PRKACA: variants seen among roughly 807,000 people sequenced by gnomAD.
The protein encoded by PRKACA is cAMP-dependent protein kinase catalytic subunit alpha.
PRKACA carries 9 observed loss-of-function variants against 45.8 expected under a neutral mutation model. That is an observed-to-expected ratio of 0.20 (90% CI 0.12 to 0.34). The LOEUF is 0.34. Among genes scored for constraint, PRKACA ranks in the 10% least tolerant of loss-of-function variants. The probability of loss-of-function intolerance (pLI) is 1.00; values close to 1 mark genes in which losing one functional copy is unlikely to be tolerated. For missense variants in PRKACA, 238 were observed against 458.6 expected, an observed-to-expected ratio of 0.52 and a Z score of 4.39; for synonymous variants, 160 against 178.6, an observed-to-expected ratio of 0.90 and a Z score of 0.83.
In PRKACA at chr19:14,092,291, C is replaced by T; in HGVS notation, c.*821G>A. 4.4e-6 allele frequency: 1 copy of T among 224,926 alleles called. No individual in the cohort carries two copies. The highest frequency in any genetic ancestry group is 8.7e-6 in the Non-Finnish European group (1 of 115,526). The allele number at this position is 224,926 out of a possible 1,614,324, so 13.9% of individuals were successfully genotyped here. ...GGAGAGGGGCAGCTGCTTTGTCTGGCTTTCAAAGCCCAAGGGTGAAGACAG... is the reference window on the plus strand; with the variant it reads ...GGAGAGGGGCAGCTGCTTTGTCTGGTTTTCAAAGCCCAAGGGTGAAGACAG... On this transcript the variant is annotated 3_prime_UTR_variant, in exon 10 of 10. Transcript: ENST00000308677.
intron 1 of PRKACA, chr19:14,114,313 A>T: frequency 1.1e-5 from 10 of 927,098 alleles, no homozygotes; most frequent in Non-Finnish European, 1.5e-5. Flanking sequence ...CCCAGAGGCC[A>T]CTGGGTGTGG....
At chr19:14,114,228 G>T (rs1195465296) in intron 1 of PRKACA, 39 of 1,574,486 alleles carry the variant, frequency 2.5e-5, no homozygotes, top group Non-Finnish European at 3.4e-5. Context: ...GTGTCTGTTC[G>T]GCTGTCTGTC....
rs1410928145 is a variant in PRKACA at position 14,109,973 on chromosome 19, T to A, written c.47-2564A>T. Among the ~76,000 whole-genome samples, 99 of 64,982 alleles carry A rather than the reference T, an allele frequency of 1.5e-3. 1 individual carries two copies. Among genetic ancestry groups the A allele is most frequent in the African/African-American group, 5.8e-3 (80 of 13,700 alleles). The allele number at this position is 64,982 out of a possible 152,430, so 42.6% of individuals were successfully genotyped here. ...AAAAAAAAAAAAAAAAAAATATATA[T>A]ATATATATATATATATATATATATA... On this transcript the variant is annotated intron_variant, in intron 1 of 9. Coordinates refer to ENST00000308677, the MANE Select transcript of PRKACA (RefSeq NM_002730.4).
intron 1 of PRKACA, 72 bp downstream of exon 1, chr19:14,117,430 G>A: frequency 1.6e-6 from 2 of 1,237,010 alleles, no homozygotes; most frequent in Non-Finnish European, 2.0e-6. Flanking sequence ...AGGGGGAGGG[G>A]CCAGGCGATG....
At position 14,109,965 on chromosome 19, in the gene PRKACA, AATATATAT is replaced by A. The variant is rs1188333013; in HGVS notation, c.47-2564_47-2557del. 3.0e-3 allele frequency among the ~76,000 whole-genome samples: 71 copies of A among 23,750 alleles called. 2 individuals are homozygous for A. Among genetic ancestry groups the A allele is most frequent in the African/African-American group, 6.2e-3 (55 of 8,904 alleles). 15.6% of individuals were successfully genotyped at this position (23,750 alleles called of 152,430 possible). On this transcript the variant is annotated intron_variant, in intron 1 of 9. Coordinates refer to ENST00000308677, the MANE Select transcript of PRKACA (RefSeq NM_002730.4). ...AAAAAAAAAAAAAAAAAAAAAAAAA[AATATATAT>A]ATATATATATATATATATATATATA...
chr19:14,098,789 C>T (rs1977346644), intron 5 of PRKACA, among the ~76,000 whole-genome samples: 3 of 146,350 alleles, frequency 2.0e-5, no homozygotes, highest in African/African-American at 5.1e-5. Context: ...CCATGGCACC[C>T]GGCCTCCACC....
At chr19:14,096,405 C>G (rs1977261115) in intron 8 of PRKACA, 1 of 143,454 alleles carries the variant, frequency 7.0e-6, no homozygotes, top group Non-Finnish European at 1.5e-5. Context: ...CCAGGCTGGT[C>G]TGGAACTCCT....
chr19:14,113,380 C>A (rs1264460556), intron 1 of PRKACA, among the ~76,000 whole-genome samples: 1 of 152,182 alleles, frequency 6.6e-6, no homozygotes, highest in Non-Finnish European at 1.5e-5. Flanking sequence ...GTACAGCCTG[C>A]CGCCCTGCCC....
chr19:14,102,896 T>C lies in PRKACA; in HGVS notation c.256A>G (p.Ile86Val). The change falls in exon 4 of 10, where the codon ATC becomes GTC. Residue 86 changes from isoleucine to valine, a missense_variant. By Grantham distance (29) the Ile-to-Val change is conservative (BLOSUM62 3). Around this residue, in one of 3 missense-constraint regions of PRKACA, gnomAD observed 93 missense variants for 149.1 expected, o/e 0.62. Transcript: ENST00000308677. ...DKQKVVKLKQ[I>V]EHTLNEKRIL... ...CGCTTTTCATTCAGGGTGTGTTCGA[T>C]CTGTTTCAGTTTCACCACCTGGGAA... 1 of 1,614,084 alleles carries C rather than the reference T, an allele frequency of 6.2e-7. No individual in the cohort carries two copies. The highest frequency in any genetic ancestry group is 8.5e-7 in the Non-Finnish European group (1 of 1,179,972).
intron 1 of PRKACA, chr19:14,113,993 A>C: frequency 1.1e-6 from 1 of 922,424 alleles, no homozygotes; most frequent in Non-Finnish European, 1.7e-6. Flanking sequence ...CCGGGGCTGT[A>C]CAGGAGGCGT....
At chr19:14,116,140 GCCTT>G (rs1967102067) in intron 1 of PRKACA, among the ~76,000 whole-genome samples, 1 of 152,194 alleles carries the variant, frequency 6.6e-6, no homozygotes, top group South Asian at 2.1e-4. Flanking sequence ...CCAAAAACTG[GCCTT>G]CCTTTTCGAC....
intron 1 of PRKACA, chr19:14,112,212 A>G (rs1274599140): frequency 6.8e-6 from 1 of 147,630 alleles, no homozygotes; most frequent in East Asian, 2.1e-4. Context: ...GGTAACCTCA[A>G]TCAAGAGGCC....
intron 9 of PRKACA, 21 bp from the exon 10 acceptor site, chr19:14,093,258 AC>A (rs1977144859): frequency 6.2e-7 from 1 of 1,604,770 alleles, no homozygotes; most frequent in South Asian, 1.1e-5. Flanking sequence ...ATCAAGAATC[AC>A]CCAGACCTCA....
Position 14,097,894 on chromosome 19 carries a change from AT to A in PRKACA, c.420-5del. ...GTAGAAACGGGCATGGGGCTCACTG[AT>A]GGGGACAAATGGGGAGGTGAACGTC... On this transcript the variant is annotated splice_region_variant and splice_polypyrimidine_tract_variant and intron_variant, in intron 5 of 9. Transcript: ENST00000308677. The surrounding 1 kb of genome is among the most constrained non-coding windows in gnomAD (Gnocchi z 5.4). The A allele has an allele frequency of 6.2e-7, 1 of 1,614,072 alleles. No homozygotes were observed. Among genetic ancestry groups the A allele is most frequent in the Non-Finnish European group, 8.5e-7 (1 of 1,179,996 alleles).
chr19:14,097,504 A>G lies in PRKACA; in HGVS notation c.643-21T>C. On this transcript the variant is annotated intron_variant, in intron 7 of 9. Coordinates refer to ENST00000308677, the MANE Select transcript of PRKACA (RefSeq NM_002730.4). This position sits in a 1 kb window ranked among gnomAD's most constrained non-coding sequence, Gnocchi z 5.4. Reference sequence around the variant, plus strand: ...TAGCCCTGGAGCAAGATGGGGGGGCACAGGGTGAGGAGGAGGCGAGAGCAG... The same window carrying G: ...TAGCCCTGGAGCAAGATGGGGGGGCGCAGGGTGAGGAGGAGGCGAGAGCAG... 1.2e-6 allele frequency: 2 copies of G among 1,613,974 alleles called. No homozygotes were observed. Among genetic ancestry groups the G allele is most frequent in the Non-Finnish European group, 1.7e-6 (2 of 1,179,956 alleles).
chr19:14,112,079 GC>G (rs1190887519), intron 1 of PRKACA, among the ~76,000 whole-genome samples: 1 of 152,118 alleles, frequency 6.6e-6, no homozygotes, highest in African/African-American at 2.4e-5. Context: ...GGACCAGAGC[GC>G]CCAGGCTCTG....
chr19:14,106,865 A>T lies in PRKACA; in HGVS notation c.132T>A (p.Phe44Leu), dbSNP rs1348252622. The T allele has an allele frequency of 2.5e-6, 4 of 1,614,054 alleles. No individual in the cohort carries two copies. The highest frequency in any genetic ancestry group is 3.4e-6 in the Non-Finnish European group (4 of 1,180,014). The change falls in exon 3 of 10, where the codon TTT becomes TTA. Residue 44 changes from phenylalanine (F) to leucine (L), a missense_variant. By Grantham distance (22) the Phe-to-Leu change is conservative (BLOSUM62 0). Transcript: ENST00000308677. The part of the protein sequence containing the change: ...PAQNTAHLDQ[F>L]ERIKTLGTGS... ...CCGTGCCGAGGGTCTTGATTCGTTC[A>T]AACTGATCCAAGTGGGCTGTGTTCT...
chr19:14,107,044 AGGGCACATTCCTTAAGGCGGGTGGCAGG>A (rs1977634230), intron 2 of PRKACA, among the ~76,000 whole-genome samples, 156 bp from the exon 3 acceptor site: 1 of 150,308 alleles, frequency 6.7e-6, no homozygotes, highest in Non-Finnish European at 1.5e-5. Flanking sequence ...AAGATGGCAG[AGGGCACATTCCTTAAGGCGGGTGGCAGG>A]GGCCAGATCC....
chr19:14,099,589 CTTTTT>C (rs1201287283), intron 5 of PRKACA, among the ~76,000 whole-genome samples: 1 of 132,652 alleles, frequency 7.5e-6, no homozygotes, highest in Admixed American at 7.7e-5. Context: ...CCACACCTGA[CTTTTT>C]TTTTTTTTTT....
Sources: allele counts gnomAD v4.1 joint callset (sites outside exome capture counted in the v4.1 genomes callset), GRCh38; gene constraint gnomAD v4.1.1; regional missense constraint gnomAD v4.1.1; non-coding constraint Gnocchi (gnomAD v3.1); transcripts MANE v1.5; gene names NCBI Gene and HGNC (gene_info 2026-07-23, HGNC 2026-07-21).